The following GPC5 variants were observed in gnomAD, a reference collection of about 807,000 sequenced individuals.
GPC5 encodes the protein glypican-5.
GPC5 carries 47 observed loss-of-function variants against 53.9 expected under a neutral mutation model. The observed-to-expected ratio is 0.87, with a 90% confidence interval of 0.69 to 1.11. GPC5 has a LOEUF of 1.11. GPC5 is among the 50% of genes most tolerant of loss of function. The pLI is 0.00. For missense variants in GPC5, 748 were observed against 713.1 expected (o/e 1.05, Z -0.56); for synonymous variants, 286 against 263.3 (o/e 1.09, Z -0.84).
intron 1 of GPC5, among the ~76,000 whole-genome samples, chr13:91,448,003 C>T (rs1880919957): frequency 6.6e-6 from 1 of 152,120 alleles, no homozygotes; most frequent in Admixed American, 6.6e-5. Flanking sequence ...GGTGCTTGTC[C>T]TGGGTCCCTA....
At chr13:91,743,771 A>G (rs540165592) in intron 4 of GPC5, among the ~76,000 whole-genome samples, 32 of 152,296 alleles carry the variant, frequency 2.1e-4, no homozygotes, top group Non-Finnish European at 4.6e-4. Context: ...AACCATTTCC[A>G]GGGCACACAG....
Position 92,362,376 on chromosome 13 carries a change from T to C in GPC5, c.1561+217387T>C, listed in dbSNP as rs980415933. 1.3e-4 allele frequency among the ~76,000 whole-genome samples: 20 copies of C among 151,786 alleles called. 1 individual carries two copies. Among genetic ancestry groups the C allele is most frequent in the African/African-American group, 4.9e-4 (20 of 41,062 alleles). The stretch of plus-strand genomic sequence containing the variant: ...TATGGAAACATTATAAGTGAAACTT[T>C]TGATAAAGGGTTAAAAGATCCTTTG... On this transcript the variant is annotated intron_variant, in intron 7 of 7. Coordinates refer to ENST00000377067, the MANE Select transcript of GPC5 (RefSeq NM_004466.6).
intron 7 of GPC5, among the ~76,000 whole-genome samples, chr13:92,403,394 C>T (rs1165657382): frequency 2.6e-5 from 4 of 152,212 alleles, no homozygotes; most frequent in Non-Finnish European, 5.9e-5. Flanking sequence ...AGGAACTGGT[C>T]CACATCACAG....
chr13:92,381,428 T>G (rs928935395), intron 7 of GPC5, among the ~76,000 whole-genome samples: 2 of 151,984 alleles, frequency 1.3e-5, no homozygotes, highest in Non-Finnish European at 2.9e-5. Context: ...ATAAGAAAAA[T>G]GCAAATCAAA....
chr13:92,382,956 T>C (rs1185399773), intron 7 of GPC5, among the ~76,000 whole-genome samples: 1 of 141,114 alleles, frequency 7.1e-6, no homozygotes, highest in Non-Finnish European at 1.5e-5. Context: ...TGAGCCGAGA[T>C]CGTGCCACTG....
chr13:91,786,676 C>A (rs1183397453), intron 5 of GPC5, among the ~76,000 whole-genome samples: 2 of 152,084 alleles, frequency 1.3e-5, no homozygotes, highest in East Asian at 1.9e-4. Context: ...GGAAGTTTTT[C>A]TTCTTTAAAC....
At chr13:92,108,058 A>G (rs562985756) in intron 6 of GPC5, among the ~76,000 whole-genome samples, 7 of 152,302 alleles carry the variant, frequency 4.6e-5, no homozygotes, top group Admixed American at 4.6e-4. Flanking sequence ...TAATTCCTGC[A>G]TCTGACCTGT....
intron 7 of GPC5, among the ~76,000 whole-genome samples, chr13:92,228,164 G>A (rs967808976): frequency 2.7e-5 from 4 of 149,516 alleles, no homozygotes; most frequent in Non-Finnish European, 4.4e-5. Flanking sequence ...GATGGAAGGC[G>A]AAGAAGGAGA....
Position 91,623,622 on chromosome 13 carries a change from G to A in GPC5, c.326-69565G>A, listed in dbSNP as rs148284905. ...GTGCATAACAGGCAGTCTCTAAATG[G>A]CTAAAAACTACATATATGGGCTGCA... is the stretch of plus-strand genomic sequence containing the variant. On this transcript the variant is annotated intron_variant, in intron 2 of 7. Transcript: ENST00000377067. Among the ~76,000 whole-genome samples the A allele has an allele frequency of 6.8e-4, 104 of 152,172 alleles. No individual in the cohort carries two copies. In the Middle Eastern group the frequency reaches 0.017, roughly 25 times the overall value.
At chr13:91,429,268 C>T (rs1879267309) in intron 1 of GPC5, among the ~76,000 whole-genome samples, 1 of 152,138 alleles carries the variant, frequency 6.6e-6, no homozygotes, top group Admixed American at 6.5e-5. Context: ...CAAGGCAACT[C>T]ATAGACTAAT....
chr13:92,610,592 T>G (rs1249502373), intron 7 of GPC5, among the ~76,000 whole-genome samples: 1 of 152,160 alleles, frequency 6.6e-6, no homozygotes, highest in East Asian at 1.9e-4. Context: ...TTAAGATTAA[T>G]CTCTTTATTA....
intron 7 of GPC5, among the ~76,000 whole-genome samples, chr13:92,265,047 G>T (rs994422567): frequency 1.3e-5 from 2 of 151,890 alleles, no homozygotes; most frequent in African/African-American, 4.8e-5. Flanking sequence ...TTGCCCTCAA[G>T]AGCCTACCTT....
chr13:91,731,843 C>T (rs961888630), intron 4 of GPC5, among the ~76,000 whole-genome samples: 1 of 152,126 alleles, frequency 6.6e-6, no homozygotes, highest in Non-Finnish European at 1.5e-5. Context: ...CACCCATGTC[C>T]CTGAAAAGGA....
chr13:92,069,348 A>T (rs2041191851), intron 6 of GPC5, among the ~76,000 whole-genome samples: 2 of 151,884 alleles, frequency 1.3e-5, no homozygotes, highest in African/African-American at 4.8e-5. Flanking sequence ...CTGATGTAAC[A>T]TCTTACTATA....
intron 6 of GPC5, among the ~76,000 whole-genome samples, chr13:92,114,581 C>T (rs1021988474): frequency 2.0e-5 from 3 of 152,156 alleles, no homozygotes; most frequent in African/African-American, 7.2e-5. Context: ...TGTGAGTAAT[C>T]CATTGTGATA....
chr13:92,384,165 G>T (rs2043773206), intron 7 of GPC5, among the ~76,000 whole-genome samples: 2 of 150,506 alleles, frequency 1.3e-5, no homozygotes, highest in African/African-American at 4.9e-5. Context: ...GTTGCTATCT[G>T]ATTGGTAGGT....
At chr13:92,097,816 G>GA (rs1410868733) in intron 6 of GPC5, among the ~76,000 whole-genome samples, 1 of 152,144 alleles carries the variant, frequency 6.6e-6, no homozygotes, top group Non-Finnish European at 1.5e-5. Flanking sequence ...TATATTTCAT[G>GA]AAAAATGAAT....
chr13:91,502,965 T>C (rs1346120886), intron 2 of GPC5, among the ~76,000 whole-genome samples: 1 of 152,192 alleles, frequency 6.6e-6, no homozygotes, highest in Non-Finnish European at 1.5e-5. Flanking sequence ...CTTAAACACT[T>C]TTATTATTCA....
At chr13:91,478,638 T>C (rs1471302217) in intron 2 of GPC5, among the ~76,000 whole-genome samples, 2 of 150,754 alleles carry the variant, frequency 1.3e-5, no homozygotes, top group African/African-American at 4.9e-5. Flanking sequence ...CCCTTCATTT[T>C]CTTCTATTCT....
Sources: allele counts gnomAD v4.1 joint callset (sites outside exome capture counted in the v4.1 genomes callset), GRCh38; gene constraint gnomAD v4.1.1; transcripts MANE v1.5; gene names NCBI Gene and HGNC (gene_info 2026-07-23, HGNC 2026-07-21).